The following SHANK2 variants were observed in gnomAD, a reference collection of about 807,000 sequenced individuals.
SHANK2 encodes the protein SH3 and multiple ankyrin repeat domains 2, also known as SH3 and multiple ankyrin repeat domains protein 2.
In SHANK2, 43 loss-of-function variants were observed where a neutral mutation model predicts 133.7. The observed-to-expected ratio is 0.32, with a 90% CI of 0.25 to 0.41. The LOEUF (loss-of-function observed/expected upper bound fraction) is 0.41, where lower values mean the gene tolerates loss of function less well. Ranked by LOEUF, SHANK2 falls within the 10% of genes least tolerant of loss-of-function variation. SHANK2 has a pLI of 1.00. For missense variants in SHANK2, 1,994 were observed against 2,235.8 expected, an observed-to-expected ratio of 0.89 and a Z score of 2.18; for synonymous variants, 1,017 against 952.8, an observed-to-expected ratio of 1.07 and a Z score of -1.24.
chr11:70,797,490 G>C (rs1947938872), intron 14 of SHANK2, among the ~76,000 whole-genome samples: 1 of 152,186 alleles, frequency 6.6e-6, no homozygotes, highest in Admixed American at 6.5e-5. Context: ...CCCTGCTAGA[G>C]ACTGCAAAGC....
In SHANK2 at chr11:70,471,372, G is replaced by A. The variant is rs2058596301; in HGVS notation, c.*1497C>T. 1 of 398,964 alleles carries A rather than the reference G, an allele frequency of 2.5e-6. No homozygotes were observed. The highest frequency in any genetic ancestry group is 4.4e-6 in the Non-Finnish European group (1 of 226,058). 24.7% of individuals were successfully genotyped at this position (398,964 alleles called of 1,614,324 possible). A position where few individuals can be genotyped will look rare whatever the true frequency, so the allele number is the denominator to read the frequency against. Reference sequence around the variant, plus strand: ...ATTCGAGTATCCTCCAAATGGGGGAGAATGTGCTGGAAGCCTGACTGTGTG... The same window carrying A: ...ATTCGAGTATCCTCCAAATGGGGGAAAATGTGCTGGAAGCCTGACTGTGTG... On this transcript the variant is annotated 3_prime_UTR_variant, in exon 26 of 26. Transcript: ENST00000601538. This position sits in a 1 kb window ranked among gnomAD's most constrained non-coding sequence, Gnocchi z 4.1.
At chr11:71,248,821 G>T (rs1948130735) in intron 1 of SHANK2, among the ~76,000 whole-genome samples, 1 of 152,094 alleles carries the variant, frequency 6.6e-6, no homozygotes, top group Admixed American at 6.5e-5. Flanking sequence ...CCCCACGCTG[G>T]GTTGGGGACC....
chr11:71,129,090 T>A (rs530199670), intron 3 of SHANK2, among the ~76,000 whole-genome samples: 55 of 152,342 alleles, frequency 3.6e-4, no homozygotes, highest in African/African-American at 1.3e-3. Flanking sequence ...GCCATTTCTG[T>A]CTTTTTCTTT....
intron 17 of SHANK2, among the ~76,000 whole-genome samples, chr11:70,636,786 G>A (rs1240444276): frequency 6.6e-6 from 1 of 152,160 alleles, no homozygotes; most frequent in East Asian, 1.9e-4. Context: ...GTGTGAGCAT[G>A]TGTGAGCGTG....
At chr11:70,730,086 C>A (rs1022030072) in intron 14 of SHANK2, among the ~76,000 whole-genome samples, 7 of 152,010 alleles carry the variant, frequency 4.6e-5, no homozygotes. Context: ...GCACGTGAAG[C>A]TCTTAGAAGG....
chr11:70,884,667 T>C (rs1181710907), intron 11 of SHANK2, among the ~76,000 whole-genome samples: 1 of 152,244 alleles, frequency 6.6e-6, no homozygotes, highest in Non-Finnish European at 1.5e-5. Flanking sequence ...CCACCGAGTG[T>C]TCCTGCTTCA....
intron 10 of SHANK2, among the ~76,000 whole-genome samples, chr11:70,902,912 AT>A (rs1420430966): frequency 7.2e-5 from 11 of 151,730 alleles, no homozygotes; most frequent in Non-Finnish European, 1.6e-4. Context: ...GGGAGCCCAC[AT>A]TTTTTTTCAA....
At chr11:70,887,952 C>A (rs1555073860) in intron 11 of SHANK2, among the ~76,000 whole-genome samples, 2 of 152,204 alleles carry the variant, frequency 1.3e-5, no homozygotes. Context: ...AGCCAACAGC[C>A]TCAGGCTTAA....
chr11:70,612,441 C>T (rs781795742), intron 17 of SHANK2, among the ~76,000 whole-genome samples: 2 of 152,142 alleles, frequency 1.3e-5, no homozygotes, highest in Non-Finnish European at 2.9e-5. Context: ...CGTGTGTACA[C>T]GTATACATAC....
intron 22 of SHANK2, among the ~76,000 whole-genome samples, chr11:70,491,273 C>T (rs1242947155): frequency 6.6e-6 from 1 of 152,238 alleles, no homozygotes; most frequent in African/African-American, 2.4e-5. Flanking sequence ...CTCTGTTTGT[C>T]TCACTCTATG....
At chr11:70,728,794 G>A (rs1353522219) in intron 14 of SHANK2, among the ~76,000 whole-genome samples, 1 of 152,142 alleles carries the variant, frequency 6.6e-6, no homozygotes, top group Non-Finnish European at 1.5e-5. Context: ...CTTCTCCTAC[G>A]CATGCCCTCT....
Position 70,486,422 on chromosome 11 carries a change from T to G in SHANK2, c.3871A>C (p.Lys1291Gln), listed in dbSNP as rs1555153584. Reference sequence around the variant, plus strand: ...AGCATGTTCTTCTTGTCATCGCCTTTCCGGTCTCGGCCCAGGTCGGTCTCG... The same window carrying G: ...AGCATGTTCTTCTTGTCATCGCCTTGCCGGTCTCGGCCCAGGTCGGTCTCG... The part of the protein sequence containing the change: ...KYETDLGRDR[K>Q]GDDKKNMLID... Residue 1291 changes from lysine (K) to glutamine (Q), a missense_variant, in exon 25 of 26, where the codon AAA (lysine) becomes CAA (glutamine). Lys to Gln is a moderately conservative substitution (Grantham distance 53). This residue lies in a region of SHANK2 where 797 missense variants were observed against 907.4 expected (regional missense o/e 0.88). Transcript: ENST00000601538. The surrounding 1 kb of genome is among the most constrained non-coding windows in gnomAD (Gnocchi z 8.0). 2 of 1,614,104 alleles carry G rather than the reference T, an allele frequency of 1.2e-6. No homozygotes were observed. The highest frequency in any genetic ancestry group is 3.3e-4 in the Middle Eastern group (2 of 6,062).
At chr11:70,505,518 T>C (rs1467107364) in intron 17 of SHANK2, among the ~76,000 whole-genome samples, 1 of 151,686 alleles carries the variant, frequency 6.6e-6, no homozygotes, top group Non-Finnish European at 1.5e-5. Context: ...TGCAAGGCTG[T>C]GGGGAGCGAG....
chr11:70,786,662 A>T (rs1178115146), intron 14 of SHANK2, among the ~76,000 whole-genome samples: 1 of 152,126 alleles, frequency 6.6e-6, no homozygotes, highest in African/African-American at 2.4e-5. Context: ...TCAAGAGGGG[A>T]TGTGAGGAAA....
intron 2 of SHANK2, among the ~76,000 whole-genome samples, chr11:71,177,587 A>G (rs1953471627): frequency 6.6e-6 from 1 of 151,994 alleles, no homozygotes; most frequent in Admixed American, 6.5e-5. Flanking sequence ...TTAATCTAAA[A>G]GAAGACAGAA....
intron 2 of SHANK2, among the ~76,000 whole-genome samples, chr11:71,167,890 C>T (rs1555111366): frequency 6.7e-6 from 1 of 149,014 alleles, no homozygotes; most frequent in African/African-American, 2.5e-5. Flanking sequence ...GCGCCCCTCA[C>T]CTCCCGGACA....
chr11:70,935,946 G>T (rs1389368713), intron 10 of SHANK2, among the ~76,000 whole-genome samples: 1 of 152,136 alleles, frequency 6.6e-6, no homozygotes, highest in African/African-American at 2.4e-5. Flanking sequence ...GTTCACACCC[G>T]CCAAGGACCA....
intron 3 of SHANK2, among the ~76,000 whole-genome samples, chr11:71,135,415 C>G (rs1273307175): frequency 9.2e-5 from 14 of 151,872 alleles, no homozygotes; most frequent in Non-Finnish European, 1.6e-4. Context: ...GCCATGGAAT[C>G]CTCAGGAAAA....
intron 21 of SHANK2, among the ~76,000 whole-genome samples, 200 bp from the exon 22 acceptor site, chr11:70,492,665 C>T (rs147383505): frequency 1.3e-5 from 2 of 152,132 alleles, no homozygotes; most frequent in Non-Finnish European, 1.5e-5. Flanking sequence ...ACCTTGCCCT[C>T]GGAGGCATGC....
Sources: allele counts gnomAD v4.1 joint callset (sites outside exome capture counted in the v4.1 genomes callset), GRCh38; gene constraint gnomAD v4.1.1; regional missense constraint gnomAD v4.1.1; non-coding constraint Gnocchi (gnomAD v3.1); transcripts MANE v1.5; gene names NCBI Gene and HGNC (gene_info 2026-07-23, HGNC 2026-07-21).